Variants in ST6GALNAC3 observed in about 807,000 individuals in gnomAD.
ST6GALNAC3 encodes the protein alpha-N-acetylgalactosaminide alpha-2,6-sialyltransferase 3.
A neutral mutation model predicts 32.7 loss-of-function variants in ST6GALNAC3; 25 were observed. The observed-to-expected ratio is 0.76, with a 90% CI of 0.56 to 1.07. The LOEUF is 1.07. ST6GALNAC3 is among the 50% of genes least tolerant of loss of function. ST6GALNAC3 has a pLI of 0.00. For missense variants in ST6GALNAC3, 355 were observed against 382.4 expected, an observed-to-expected ratio of 0.93 and a Z score of 0.60; for synonymous variants, 129 against 133.1, an observed-to-expected ratio of 0.97 and a Z score of 0.21.
intron 1 of ST6GALNAC3, among the ~76,000 whole-genome samples, chr1:76,279,453 A>G (rs910248769): frequency 2.6e-5 from 4 of 152,208 alleles, no homozygotes; most frequent in Non-Finnish European, 5.9e-5. Flanking sequence ...GTTATTATCA[A>G]TCAACCTGTG....
intron 3 of ST6GALNAC3, among the ~76,000 whole-genome samples, chr1:76,425,723 C>A (rs115861978): frequency 0.025 from 3,746 of 151,836 alleles, 55 homozygotes; most frequent in African/African-American, 0.04. Flanking sequence ...CGAGAGAGAC[C>A]AAATCTCAAA....
chr1:76,104,309 G>T lies in ST6GALNAC3; in HGVS notation c.18+29425G>T, dbSNP rs111608372. Among the ~76,000 whole-genome samples the T allele has an allele frequency of 6.1e-3, 921 of 152,214 alleles. 12 individuals are homozygous for T. The highest frequency in any genetic ancestry group is 0.021 in the African/African-American group (876 of 41,524). Reference sequence around the variant, plus strand: ...TTACATTTGCTTCTGCAAGCACTTGGGGCATTAGAATTCTGGAAGCATCTG... The same window carrying T: ...TTACATTTGCTTCTGCAAGCACTTGTGGCATTAGAATTCTGGAAGCATCTG... On this transcript the variant is annotated intron_variant, in intron 1 of 4. Transcript: ENST00000328299.
At chr1:76,188,447 G>C in intron 1 of ST6GALNAC3, among the ~76,000 whole-genome samples, 1 of 152,152 alleles carries the variant, frequency 6.6e-6, no homozygotes, top group Non-Finnish European at 1.5e-5. Context: ...ATTAGCCCAT[G>C]TACTATTGGA....
intron 1 of ST6GALNAC3, among the ~76,000 whole-genome samples, chr1:76,232,384 C>T (rs1269880686): frequency 1.3e-5 from 2 of 152,146 alleles, no homozygotes; most frequent in East Asian, 3.9e-4. Flanking sequence ...GGTCCACTCA[C>T]CCCACTCCAG....
At chr1:76,322,562 C>T (rs528697920) in intron 2 of ST6GALNAC3, among the ~76,000 whole-genome samples, 7 of 152,212 alleles carry the variant, frequency 4.6e-5, no homozygotes, top group Middle Eastern at 3.4e-3. Flanking sequence ...CAAGTAATTT[C>T]AATTAAACAC....
intron 3 of ST6GALNAC3, among the ~76,000 whole-genome samples, chr1:76,560,617 T>C (rs113806604): frequency 0.11 from 16,280 of 152,008 alleles, 1,128 homozygotes; most frequent in Non-Finnish European, 0.15. Flanking sequence ...AAAGTGAAAA[T>C]CAAAACTACA....
chr1:76,305,426 T>C (rs780525685), intron 1 of ST6GALNAC3, among the ~76,000 whole-genome samples: 5 of 151,998 alleles, frequency 3.3e-5, no homozygotes, highest in Non-Finnish European at 7.4e-5. Flanking sequence ...GGAGATGTGA[T>C]TATGGAAGGT....
chr1:76,383,017 A>G (rs1323382011), intron 2 of ST6GALNAC3, among the ~76,000 whole-genome samples: 1 of 152,186 alleles, frequency 6.6e-6, no homozygotes, highest in Non-Finnish European at 1.5e-5. Flanking sequence ...AGTCTGTCAG[A>G]AAACAAAACA....
At chr1:76,217,461 C>T (rs1350889555) in intron 1 of ST6GALNAC3, among the ~76,000 whole-genome samples, 1 of 152,214 alleles carries the variant, frequency 6.6e-6, no homozygotes, top group Non-Finnish European at 1.5e-5. Flanking sequence ...AGTGCCTCCT[C>T]TTCCCTATCC....
chr1:76,241,704 A>G (rs185064693), intron 1 of ST6GALNAC3, among the ~76,000 whole-genome samples: 248 of 152,360 alleles, frequency 1.6e-3, no homozygotes, highest in Admixed American at 3.5e-3. Context: ...TCACAGGTCT[A>G]GTACACAAAA....
chr1:76,239,399 T>A (rs1656841573), intron 1 of ST6GALNAC3, among the ~76,000 whole-genome samples: 1 of 151,298 alleles, frequency 6.6e-6, no homozygotes, highest in South Asian at 2.1e-4. Context: ...TTATTTATAA[T>A]AAAAAAAAAG....
chr1:76,454,799 C>CT (rs1272994019), intron 3 of ST6GALNAC3, among the ~76,000 whole-genome samples: 3 of 152,106 alleles, frequency 2.0e-5, no homozygotes, highest in African/African-American at 7.2e-5. Flanking sequence ...CTCAGGTCTT[C>CT]TTTTAAACTG....
chr1:76,557,706 T>TC (rs1380840488), intron 3 of ST6GALNAC3, among the ~76,000 whole-genome samples: 3 of 152,096 alleles, frequency 2.0e-5, no homozygotes, highest in African/African-American at 7.2e-5. Context: ...TCTACCTCTC[T>TC]CCCCAAAGAA....
intron 3 of ST6GALNAC3, among the ~76,000 whole-genome samples, chr1:76,480,791 A>G (rs1659673435): frequency 6.6e-6 from 1 of 152,134 alleles, no homozygotes; most frequent in African/African-American, 2.4e-5. Context: ...TACTCTGAAA[A>G]TATTGTATAT....
At position 76,470,640 on chromosome 1, in the gene ST6GALNAC3, A is replaced by G. The variant is rs957764867; in HGVS notation, c.623+58223A>G. On this transcript the variant is annotated intron_variant, in intron 3 of 4. Coordinates refer to ENST00000328299, the MANE Select transcript of ST6GALNAC3 (RefSeq NM_152996.4). ...TTTCCCTCATGGTTCCCCAAATCCA[A>G]TAGGGGGGAAAAATCCAGGGTTTCT... Among the ~76,000 whole-genome samples, 3 of 152,028 alleles carry G rather than the reference A, an allele frequency of 2.0e-5. No homozygotes were observed. In the South Asian group the frequency reaches 6.2e-4, roughly 31 times the overall value.
chr1:76,483,262 A>G (rs187460466), intron 3 of ST6GALNAC3, among the ~76,000 whole-genome samples: 160 of 152,268 alleles, frequency 1.1e-3, no homozygotes, highest in Non-Finnish European at 1.2e-3. Context: ...GCTGGGTCAA[A>G]TGGTATTTCT....
At chr1:76,552,649 T>C (rs1041314252) in intron 3 of ST6GALNAC3, among the ~76,000 whole-genome samples, 3 of 152,210 alleles carry the variant, frequency 2.0e-5, no homozygotes, top group African/African-American at 7.2e-5. Context: ...CAGATTCCCA[T>C]GAATTATTTA....
At chr1:76,576,662 A>G (rs1356871575) in intron 3 of ST6GALNAC3, among the ~76,000 whole-genome samples, 5 of 152,072 alleles carry the variant, frequency 3.3e-5, no homozygotes, top group Non-Finnish European at 5.9e-5. Context: ...TAAAAGTTGT[A>G]TAATAATTTT....
chr1:76,311,733 A>G lies in ST6GALNAC3; in HGVS notation c.19-2072A>G, dbSNP rs138496748. 6.6e-3 allele frequency among the ~76,000 whole-genome samples: 1,010 copies of G among 152,286 alleles called. 12 individuals are homozygous for G. The highest frequency in any genetic ancestry group is 0.022 in the African/African-American group (900 of 41,572). The stretch of plus-strand genomic sequence containing the variant: ...CTTTGCTATTGTGAATGGTGCTGCA[A>G]TAAACATATGTGTGCATGTGTGTTT... On this transcript the variant is annotated intron_variant, in intron 1 of 4. Transcript: ENST00000328299.
Sources: gnomAD v4.1 joint callset for allele counts (sites outside exome capture counted in the v4.1 genomes callset) on GRCh38, gnomAD v4.1.1 for gene constraint, MANE v1.5 for transcripts, NCBI Gene and HGNC (gene_info 2026-07-23, HGNC 2026-07-21) for gene names.